RIMS2: variants seen among roughly 807,000 people sequenced by gnomAD.
The protein encoded by RIMS2 is regulating synaptic membrane exocytosis protein 2.
RIMS2 carries 59 observed loss-of-function variants against 174.4 expected under a neutral mutation model. The observed-to-expected ratio is 0.34, with a 90% confidence interval of 0.27 to 0.42. RIMS2 has a LOEUF of 0.42. RIMS2 is among the 10% of genes least tolerant of loss of function. The pLI is 1.00. For missense variants in RIMS2, 1,620 were observed against 1,666.3 expected (o/e 0.97, Z 0.48); for synonymous variants, 606 against 572.5 (o/e 1.06, Z -0.84).
At chr8:103,858,591 ATGTGTGTGTGTC>A (rs1343845604) in intron 3 of RIMS2, among the ~76,000 whole-genome samples, 3 of 151,498 alleles carry the variant, frequency 2.0e-5, no homozygotes, top group Non-Finnish European at 4.4e-5. Flanking sequence ...GTACACATAT[ATGTGTGTGTGTC>A]TGTGTGTGTG....
chr8:103,943,206 C>T (rs1283892739), intron 14 of RIMS2, among the ~76,000 whole-genome samples: 1 of 152,114 alleles, frequency 6.6e-6, no homozygotes, highest in Non-Finnish European at 1.5e-5. Flanking sequence ...ACATTTAAAT[C>T]TTAGTGCTTA....
chr8:103,984,337 A>T (rs2094178429), intron 16 of RIMS2, among the ~76,000 whole-genome samples: 1 of 152,198 alleles, frequency 6.6e-6, no homozygotes, highest in Admixed American at 6.5e-5. Context: ...ATGTATTAGG[A>T]ACTCAAACAA....
At chr8:103,920,245 T>C (rs1352921479) in intron 9 of RIMS2, among the ~76,000 whole-genome samples, 1 of 152,144 alleles carries the variant, frequency 6.6e-6, no homozygotes, top group Non-Finnish European at 1.5e-5. Flanking sequence ...ATTTTCTTCT[T>C]ATGGTTGTAA....
At chr8:103,811,486 C>T (rs993783465) in intron 3 of RIMS2, among the ~76,000 whole-genome samples, 9 of 152,058 alleles carry the variant, frequency 5.9e-5, no homozygotes, top group Non-Finnish European at 1.2e-4. Context: ...ACTCTGTCAC[C>T]CAGGCTGGAG....
chr8:103,675,824 C>T (rs2096802371), intron 1 of RIMS2, among the ~76,000 whole-genome samples: 1 of 152,016 alleles, frequency 6.6e-6, no homozygotes, highest in Non-Finnish European at 1.5e-5. Flanking sequence ...GATCTTTTAG[C>T]TTTTATAAGG....
At chr8:103,505,575 G>T (rs76615053) in intron 1 of RIMS2, among the ~76,000 whole-genome samples, 1 of 151,712 alleles carries the variant, frequency 6.6e-6, no homozygotes. Context: ...AAATATCTTC[G>T]TACATGCATT....
In RIMS2 at chr8:104,148,865, T is replaced by G. The variant is rs1023925034; in HGVS notation, c.3335-96051T>G. The G allele has an allele frequency of 1.9e-6, 3 of 1,591,180 alleles. No individual in the cohort carries two copies. Among genetic ancestry groups the G allele is most frequent in the Admixed American group, 3.4e-5 (2 of 59,594 alleles). ...GCCAAACGGGTAGGAATTTCAATGT[T>G]ACTTTTAACTTGATATTTGAGTTGT... is the stretch of plus-strand genomic sequence containing the variant. On this transcript the variant is annotated intron_variant, in intron 19 of 23. Coordinates refer to ENST00000504942, the Ensembl canonical transcript of RIMS2.
chr8:103,624,082 C>A lies in RIMS2; in HGVS notation c.177-73004C>A, dbSNP rs2095713864. ...GCTACAAACCCATAGTAAGCAAAAC[C>A]CACAAACAAAACCCATTATGATAGT... On this transcript the variant is annotated intron_variant, in intron 1 of 23. Transcript: ENST00000504942. 2.0e-5 allele frequency among the ~76,000 whole-genome samples: 3 copies of A among 152,166 alleles called. No homozygotes were observed. In the South Asian group the frequency reaches 6.2e-4, roughly 32 times the overall value.
intron 19 of RIMS2, among the ~76,000 whole-genome samples, chr8:104,239,509 TACAC>T (rs143944632): frequency 6.7e-6 from 1 of 150,354 alleles, no homozygotes; most frequent in South Asian, 2.1e-4. Context: ...GATGTCTCAA[TACAC>T]ACACACACAC....
chr8:103,857,586 A>T (rs537104963), intron 3 of RIMS2, among the ~76,000 whole-genome samples: 2 of 150,708 alleles, frequency 1.3e-5, no homozygotes, highest in South Asian at 4.2e-4. Flanking sequence ...CTTTAGTTTA[A>T]TCTCAAAGTA....
chr8:104,070,422 T>G (rs936386658), intron 19 of RIMS2, among the ~76,000 whole-genome samples: 6 of 152,240 alleles, frequency 3.9e-5, no homozygotes, highest in African/African-American at 1.4e-4. Context: ...AATGAAAATA[T>G]GAATAACTTC....
intron 19 of RIMS2, among the ~76,000 whole-genome samples, chr8:104,134,743 G>T (rs1187545836): frequency 6.6e-6 from 1 of 152,122 alleles, no homozygotes; most frequent in African/African-American, 2.4e-5. Flanking sequence ...ATATCATTTT[G>T]TCCCTTCTTA....
chr8:104,236,280 C>G (rs2099258196), intron 19 of RIMS2, among the ~76,000 whole-genome samples: 1 of 151,938 alleles, frequency 6.6e-6, no homozygotes, highest in African/African-American at 2.4e-5. Context: ...CTATGGAAAA[C>G]ATATATTTTT....
intron 19 of RIMS2, among the ~76,000 whole-genome samples, chr8:104,219,609 AG>A (rs1225126295): frequency 6.6e-6 from 1 of 152,190 alleles, no homozygotes; most frequent in Non-Finnish European, 1.5e-5. Flanking sequence ...TTCTTCAAAA[AG>A]GTGATTTTTA....
intron 19 of RIMS2, among the ~76,000 whole-genome samples, chr8:104,018,313 T>C (rs1426053740): frequency 6.6e-6 from 1 of 152,168 alleles, no homozygotes; most frequent in African/African-American, 2.4e-5. Context: ...AAATAAGTGA[T>C]TGTTTTCAAA....
chr8:104,096,990 G>A (rs866299241), intron 19 of RIMS2, among the ~76,000 whole-genome samples: 3 of 152,138 alleles, frequency 2.0e-5, no homozygotes, highest in Non-Finnish European at 4.4e-5. Context: ...TTTATTGTGA[G>A]AGAAAATATA....
At chr8:103,536,302 T>C (rs1235020255) in intron 1 of RIMS2, among the ~76,000 whole-genome samples, 2 of 152,322 alleles carry the variant, frequency 1.3e-5, no homozygotes, top group African/African-American at 4.8e-5. Flanking sequence ...AATACTTTTA[T>C]AAATGTGATT....
chr8:103,530,881 G>C (rs1563662796), intron 1 of RIMS2, among the ~76,000 whole-genome samples: 1 of 151,988 alleles, frequency 6.6e-6, no homozygotes, highest in Non-Finnish European at 1.5e-5. Flanking sequence ...TTCTTGCTTT[G>C]AAGTGCTGGT....
At chr8:103,985,149 A>G (rs2094244310) in intron 16 of RIMS2, among the ~76,000 whole-genome samples, 2 of 152,136 alleles carry the variant, frequency 1.3e-5, no homozygotes, top group South Asian at 4.1e-4. Context: ...TATAGTCAAA[A>G]TAATTTAATT....
Sources: allele counts gnomAD v4.1 joint callset (sites outside exome capture counted in the v4.1 genomes callset), GRCh38; gene constraint gnomAD v4.1.1; transcripts MANE v1.5; gene names NCBI Gene and HGNC (gene_info 2026-07-23, HGNC 2026-07-21).